Variants in LIN28B observed in about 807,000 individuals in gnomAD.
LIN28B encodes the protein protein lin-28 homolog B.
Under a neutral mutation model 21.9 loss-of-function variants are expected in LIN28B, and 5 were observed. The ratio of observed to expected loss-of-function variants is 0.23; its 90% CI spans 0.12 to 0.48. The LOEUF is 0.48. Among genes scored for constraint, LIN28B ranks in the 20% least tolerant of loss-of-function variants. The pLI is 0.98. For missense variants in LIN28B, 245 were observed against 310.5 expected, an observed-to-expected ratio of 0.79 and a Z score of 1.58; for synonymous variants, 109 against 111.3, an observed-to-expected ratio of 0.98 and a Z score of 0.13.
At chr6:104,946,810 A>G (rs1347940770) in intron 2 of LIN28B, among the ~76,000 whole-genome samples, 1 of 152,188 alleles carries the variant, frequency 6.6e-6, no homozygotes, top group Non-Finnish European at 1.5e-5. Flanking sequence ...TATTATAGTA[A>G]GTTGTAATGT....
chr6:105,071,775 TTC>T (rs1030574352), intron 3 of LIN28B, among the ~76,000 whole-genome samples: 1 of 152,226 alleles, frequency 6.6e-6, no homozygotes, highest in African/African-American at 2.4e-5. Flanking sequence ...AATTTCCATC[TTC>T]TCTCTTTTGA....
At chr6:104,957,401 G>T in intron 1 of LIN28B, 141 bp downstream of exon 1, 1 of 548,374 alleles carries the variant, frequency 1.8e-6, no homozygotes, top group South Asian at 2.1e-5. Context: ...CCCCCATCAC[G>T]CAGTGGGGCT....
At chr6:105,003,941 T>C (rs1770766810) in intron 2 of LIN28B, among the ~76,000 whole-genome samples, 1 of 152,206 alleles carries the variant, frequency 6.6e-6, no homozygotes, top group South Asian at 2.1e-4. Context: ...TATATAGATA[T>C]ATAAAGGGGA....
At chr6:105,043,848 C>T (rs1002747378) in intron 3 of LIN28B, among the ~76,000 whole-genome samples, 5 of 152,118 alleles carry the variant, frequency 3.3e-5, no homozygotes, top group Admixed American at 2.6e-4. Flanking sequence ...CGATCTGCCT[C>T]CTCAGCCTCC....
At chr6:105,012,793 T>A (rs540509463) in intron 2 of LIN28B, among the ~76,000 whole-genome samples, 1 of 152,304 alleles carries the variant, frequency 6.6e-6, no homozygotes, top group East Asian at 1.9e-4. Flanking sequence ...ACACAAGTCT[T>A]TGTGTGAACA....
intron 2 of LIN28B, among the ~76,000 whole-genome samples, chr6:104,945,262 A>G (rs1778143368): frequency 6.6e-6 from 1 of 152,096 alleles, no homozygotes; most frequent in South Asian, 2.1e-4. Flanking sequence ...TACATTTATT[A>G]CATCAGTAAG....
intron 3 of LIN28B, among the ~76,000 whole-genome samples, chr6:105,061,848 T>C (rs992816967): frequency 2.6e-5 from 4 of 152,118 alleles, no homozygotes; most frequent in African/African-American, 9.7e-5. Flanking sequence ...AATGTGTACA[T>C]AAACTTTGAA....
intron 3 of LIN28B, among the ~76,000 whole-genome samples, chr6:105,077,997 T>C (rs1329300112): frequency 6.6e-6 from 1 of 152,248 alleles, no homozygotes; most frequent in Non-Finnish European, 1.5e-5. Flanking sequence ...CTTTGTATCA[T>C]GCCAACAGCT....
chr6:105,008,411 G>A (rs1770858263), intron 2 of LIN28B, among the ~76,000 whole-genome samples: 1 of 152,020 alleles, frequency 6.6e-6, no homozygotes, highest in South Asian at 2.1e-4. Context: ...TTGGGAGGCC[G>A]AGGCGGGCGG....
intron 2 of LIN28B, 64 bp downstream of exon 2, chr6:104,958,350 A>C: frequency 7.9e-7 from 1 of 1,270,630 alleles, no homozygotes; most frequent in Non-Finnish European, 1.1e-6. Context: ...ATCGGTAGTT[A>C]TGCCAATAGA....
At chr6:104,970,969 C>T (rs1413953859) in intron 2 of LIN28B, among the ~76,000 whole-genome samples, 1 of 151,956 alleles carries the variant, frequency 6.6e-6, no homozygotes, top group Non-Finnish European at 1.5e-5. Context: ...AATTTGGTGA[C>T]TTAGTCATGA....
In LIN28B at chr6:105,042,933, T is replaced by C. The variant is rs148618331; in HGVS notation, c.383+16451T>C. ...GGAAGTGATTTGTGATTTCTGCTCT[T>C]GTGAGCTGACAGTAAGCAAACTATC... On this transcript the variant is annotated intron_variant, in intron 3 of 3. Coordinates refer to ENST00000345080, the MANE Select transcript of LIN28B (RefSeq NM_001004317.4). 3.9e-3 allele frequency among the ~76,000 whole-genome samples: 589 copies of C among 152,294 alleles called. 2 individuals carry two copies. Among genetic ancestry groups the C allele is most frequent in the African/African-American group, 0.011 (477 of 41,546 alleles).
At chr6:105,003,685 G>A (rs1360983380) in intron 2 of LIN28B, among the ~76,000 whole-genome samples, 1 of 151,890 alleles carries the variant, frequency 6.6e-6, no homozygotes, top group Non-Finnish European at 1.5e-5. Flanking sequence ...GCTAAGTTTT[G>A]TATTTTTAGT....
chr6:104,982,356 T>C (rs1025620085), intron 2 of LIN28B, among the ~76,000 whole-genome samples: 19 of 151,722 alleles, frequency 1.3e-4, no homozygotes, highest in African/African-American at 4.6e-4. Flanking sequence ...TTGAATGGCC[T>C]CCAATTCAGT....
chr6:104,998,430 C>T (rs995359441), intron 2 of LIN28B, among the ~76,000 whole-genome samples: 1 of 151,982 alleles, frequency 6.6e-6, no homozygotes, highest in Non-Finnish European at 1.5e-5. Flanking sequence ...TAATTTTATT[C>T]TTTGTATAAT....
At chr6:104,941,410 G>T (rs908250924) in intron 2 of LIN28B, 1 of 148,496 alleles carries the variant, frequency 6.7e-6, no homozygotes, top group African/African-American at 2.4e-5. Context: ...CGCCGCTGCG[G>T]TTGCTGCCGG....
chr6:105,028,611 C>T (rs561243612), intron 3 of LIN28B, among the ~76,000 whole-genome samples: 41 of 152,188 alleles, frequency 2.7e-4, no homozygotes, highest in African/African-American at 9.4e-4. Flanking sequence ...GCCTATACAA[C>T]AGGAAAGATG....
Position 105,063,639 on chromosome 6 carries a change from G to A in LIN28B, c.384-14775G>A, listed in dbSNP as rs528957378. On this transcript the variant is annotated intron_variant, in intron 3 of 3. Coordinates refer to ENST00000345080, the MANE Select transcript of LIN28B (RefSeq NM_001004317.4). ...CGACAGAGCAAGACTCCATCTCGGGGGGGGGGGGGAAAAAAAGGTAAAGTA... is the reference window on the plus strand; with the variant it reads ...CGACAGAGCAAGACTCCATCTCGGGAGGGGGGGGGAAAAAAAGGTAAAGTA... Among the ~76,000 whole-genome samples, 245 of 133,726 alleles carry A rather than the reference G, an allele frequency of 1.8e-3. 7 individuals carry two copies. The highest frequency in any genetic ancestry group is 2.9e-3 in the Non-Finnish European group (186 of 64,972). 87.7% of individuals were successfully genotyped at this position (133,726 alleles called of 152,430 possible). A position where few individuals can be genotyped will look rare whatever the true frequency, so the allele number is the denominator to read the frequency against.
At chr6:104,997,746 C>T (rs892254218) in intron 2 of LIN28B, among the ~76,000 whole-genome samples, 3 of 152,106 alleles carry the variant, frequency 2.0e-5, no homozygotes, top group African/African-American at 4.8e-5. Context: ...TGCACATGGC[C>T]GGGTTCATAT....
Sources: gnomAD v4.1 joint callset for allele counts (sites outside exome capture counted in the v4.1 genomes callset) on GRCh38, gnomAD v4.1.1 for gene constraint, MANE v1.5 for transcripts, NCBI Gene and HGNC (gene_info 2026-07-23, HGNC 2026-07-21) for gene names.